Variants in NPSR1 observed in about 807,000 individuals in gnomAD.
The protein encoded by NPSR1 is neuropeptide S receptor 1, also known as neuropeptide S receptor.
NPSR1 carries 48 observed loss-of-function variants against 46.9 expected under a neutral mutation model. That is an observed-to-expected ratio of 1.02 (90% CI 0.81 to 1.30). The LOEUF (loss-of-function observed/expected upper bound fraction) is 1.30. Ranked by LOEUF, NPSR1 falls within the 50% of genes most tolerant of loss-of-function variation. NPSR1 has a pLI of 0.00. For missense variants in NPSR1, 450 were observed against 449.5 expected (o/e 1.00, Z -0.01); for synonymous variants, 176 against 168.1 (o/e 1.05, Z -0.36).
chr7:34,760,137 G>T (rs1409667214), intron 2 of NPSR1, among the ~76,000 whole-genome samples: 1 of 152,156 alleles, frequency 6.6e-6, no homozygotes, highest in Non-Finnish European at 1.5e-5. Flanking sequence ...CTTCATTTTA[G>T]ATCTAGTTTA....
chr7:34,662,769 A>T (rs1562634427), intron 1 of NPSR1, among the ~76,000 whole-genome samples: 1 of 152,012 alleles, frequency 6.6e-6, no homozygotes, highest in African/African-American at 2.4e-5. Flanking sequence ...GGTAAACTCT[A>T]CCGTGCAGTG....
intron 6 of NPSR1, among the ~76,000 whole-genome samples, chr7:34,837,583 C>G (rs1790418005): frequency 6.6e-6 from 1 of 152,152 alleles, no homozygotes; most frequent in Non-Finnish European, 1.5e-5. Context: ...ACTTTTTTTT[C>G]TAAACAGTAA....
chr7:34,665,971 G>A (rs2609225), intron 1 of NPSR1, among the ~76,000 whole-genome samples: 20,674 of 152,200 alleles, frequency 0.14, 1,535 homozygotes, highest in African/African-American at 0.19. Flanking sequence ...TAAAAGGTCA[G>A]TAAATATTTT....
chr7:34,867,582 G>C (rs998102126), intron 8 of NPSR1, among the ~76,000 whole-genome samples: 2 of 151,968 alleles, frequency 1.3e-5, no homozygotes, highest in Admixed American at 6.5e-5. Flanking sequence ...ACTCACAACT[G>C]TCATAGCTGT....
intron 2 of NPSR1, among the ~76,000 whole-genome samples, chr7:34,772,306 T>C (rs964184885): frequency 8.5e-5 from 13 of 152,310 alleles, no homozygotes; most frequent in African/African-American, 3.1e-4. Flanking sequence ...AAATAAACTA[T>C]TGGAAATGAA....
intron 8 of NPSR1, among the ~76,000 whole-genome samples, chr7:34,867,934 A>G (rs1791354741): frequency 6.6e-6 from 1 of 152,020 alleles, no homozygotes; most frequent in African/African-American, 2.4e-5. Flanking sequence ...CAGTATTATT[A>G]AAAACTTTCA....
intron 3 of NPSR1, among the ~76,000 whole-genome samples, chr7:34,789,740 CAAAA>C (rs751424409): frequency 1.5e-4 from 7 of 45,346 alleles, no homozygotes; most frequent in East Asian, 7.5e-4. Flanking sequence ...TTGCAGTGCG[CAAAA>C]AAAAAAAAAA....
chr7:34,834,521 C>T, intron 6 of NPSR1, 61 bp downstream of exon 6: 1 of 1,189,280 alleles, frequency 8.4e-7, no homozygotes, highest in African/African-American at 1.5e-5. Flanking sequence ...AGGTTTTCTT[C>T]TAGCAAATGT....
chr7:34,821,481 G>A (rs1044511559), intron 4 of NPSR1, among the ~76,000 whole-genome samples: 1 of 152,064 alleles, frequency 6.6e-6, no homozygotes, highest in South Asian at 2.1e-4. Context: ...TTTAGAAAGG[G>A]TTGAATGTGG....
chr7:34,798,070 C>T (rs1233950701), intron 3 of NPSR1, among the ~76,000 whole-genome samples: 1 of 151,926 alleles, frequency 6.6e-6, no homozygotes, highest in Non-Finnish European at 1.5e-5. Context: ...ATAATAAGCA[C>T]AAATCAATAT....
rs377097496 is a variant in NPSR1, at chr7:34,827,422, T to C, written c.500T>C (p.Ile167Thr). 65 of 1,613,940 alleles carry C rather than the reference T, an allele frequency of 4.0e-5. No homozygotes were observed. Among genetic ancestry groups the C allele is most frequent in the Non-Finnish European group, 4.7e-5 (56 of 1,179,970 alleles). Reference sequence around the variant, plus strand: ...GCAGAAAAGCAAGCCAGGGTCCTCATTGTGATCGCCTGGAGCCTGTCTTTT... The same window carrying C: ...GCAGAAAAGCAAGCCAGGGTCCTCACTGTGATCGCCTGGAGCCTGTCTTTT... ...LQGEKQARVL[I>T]VIAWSLSFLF... Residue 167 changes from isoleucine to threonine, a missense_variant, in exon 5 of 9, where the codon ATT (isoleucine) becomes ACT (threonine). Physicochemically the swap from Ile to Thr is moderately conservative, Grantham distance 89 (BLOSUM62 -1). Transcript: ENST00000360581.
chr7:34,769,503 G>T (rs1401455809), intron 2 of NPSR1, among the ~76,000 whole-genome samples: 1 of 152,174 alleles, frequency 6.6e-6, no homozygotes, highest in African/African-American at 2.4e-5. Flanking sequence ...TCTTGTTTCT[G>T]CAGACCCATT....
chr7:34,712,546 T>C (rs1783353147), intron 2 of NPSR1, among the ~76,000 whole-genome samples: 1 of 152,176 alleles, frequency 6.6e-6, no homozygotes. Context: ...ACCTGGTGAT[T>C]CAAAAATTAA....
At chr7:34,724,015 C>G (rs922837673) in intron 2 of NPSR1, among the ~76,000 whole-genome samples, 7 of 152,138 alleles carry the variant, frequency 4.6e-5, no homozygotes, top group African/African-American at 1.4e-4. Context: ...ATCTTCCACA[C>G]TGAGTTAGTC....
intron 1 of NPSR1, among the ~76,000 whole-genome samples, chr7:34,663,622 T>A (rs543802256): frequency 9.2e-4 from 140 of 152,258 alleles, no homozygotes; most frequent in Non-Finnish European, 1.4e-3. Flanking sequence ...GGCAATCCAA[T>A]ACCCTCTTGT....
At chr7:34,672,837 C>G (rs1442474464) in intron 1 of NPSR1, among the ~76,000 whole-genome samples, 1 of 152,208 alleles carries the variant, frequency 6.6e-6, no homozygotes, top group Admixed American at 6.5e-5. Flanking sequence ...ATCTCTCCTC[C>G]TGACAGCAGA....
chr7:34,766,578 T>C (rs1192048276), intron 2 of NPSR1, among the ~76,000 whole-genome samples: 5 of 114,040 alleles, frequency 4.4e-5, no homozygotes, highest in African/African-American at 1.4e-4. Flanking sequence ...TGATGAATTA[T>C]TTTTTTTTTT....
intron 2 of NPSR1, among the ~76,000 whole-genome samples, chr7:34,736,224 A>G (rs1784657108): frequency 6.6e-6 from 1 of 151,904 alleles, no homozygotes. Flanking sequence ...CCCTGAAACA[A>G]CCTCTCTGCC....
At chr7:34,711,472 G>A (rs1171084978) in intron 2 of NPSR1, 2 of 152,252 alleles carry the variant, frequency 1.3e-5, no homozygotes, top group Admixed American at 1.3e-4. Flanking sequence ...CTCATTAGAA[G>A]GATAAAATAA....
Sources: gnomAD v4.1 joint callset for allele counts (sites outside exome capture counted in the v4.1 genomes callset) on GRCh38, gnomAD v4.1.1 for gene constraint, MANE v1.5 for transcripts, NCBI Gene and HGNC (gene_info 2026-07-23, HGNC 2026-07-21) for gene names.